The following MED1 variants were observed in gnomAD, a reference collection of about 807,000 sequenced individuals.
MED1 encodes the protein mediator of RNA polymerase II transcription subunit 1.
Under a neutral mutation model 121.3 loss-of-function variants are expected in MED1, and 17 were observed. The ratio of observed to expected loss-of-function variants is 0.14; its 90% CI spans 0.10 to 0.21. The LOEUF (loss-of-function observed/expected upper bound fraction) is 0.21, where lower values mean the gene tolerates loss of function less well. Ranked by LOEUF, MED1 falls within the 10% of genes least tolerant of loss-of-function variation. The probability of loss-of-function intolerance (pLI) is 1.00; values close to 1 mark genes in which losing one functional copy is unlikely to be tolerated. For synonymous variants in MED1, 661 were observed against 694.4 expected (o/e 0.95, Z 0.76); for missense variants, 1,558 against 1,919.4 (o/e 0.81, Z 3.52).
chr17:39,440,510 G>C lies in MED1; in HGVS notation c.275C>G (p.Ser92Cys). ...TTCAGTGCCACTGGCACTGAGATGA[G>C]AGCCCAGTCTAGCAGGAACAAATCA... ...ESIARQNGLGSHLSASGTECY... is the reference protein window; with the variant it reads ...ESIARQNGLGCHLSASGTECY... The change falls in exon 5 of 17, where the codon TCT becomes TGT. Residue 92 changes from serine to cysteine, a missense_variant. By Grantham distance (112) the Ser-to-Cys change is moderately radical. Transcript: ENST00000300651. The surrounding 1 kb of genome is among the most constrained non-coding windows in gnomAD (Gnocchi z 4.1). The C allele has an allele frequency of 6.2e-7, 1 of 1,611,032 alleles. No homozygotes were observed. The highest frequency in any genetic ancestry group is 8.5e-7 in the Non-Finnish European group (1 of 1,179,430).
At position 39,409,486 on chromosome 17, in the gene MED1, C is replaced by T. The variant is rs1283497454; in HGVS notation, c.2735G>A (p.Gly912Glu). Residue 912 changes from glycine (G) to glutamate (E), a missense_variant, in exon 17 of 17, where the codon GGA becomes GAA. By Grantham distance (98) the Gly-to-Glu change is moderately conservative. Around this residue, in one of 5 missense-constraint regions of MED1, gnomAD observed 793 missense variants for 898.2 expected, o/e 0.88. Transcript: ENST00000300651. Reference protein sequence around the residue: ...ALNTLGVPMLGGDNGETKFKG... With the variant: ...ALNTLGVPMLEGDNGETKFKG... ...AAACTTGGTCTCCCCATTATCACCT[C>T]CAAGCATTGGCACCCCCAAAGTATT... The T allele has an allele frequency of 6.2e-7, 1 of 1,614,168 alleles. No homozygotes were observed. Among genetic ancestry groups the T allele is most frequent in the Non-Finnish European group, 8.5e-7 (1 of 1,180,046 alleles).
chr17:39,436,394 G>C (rs957465865), intron 6 of MED1, among the ~76,000 whole-genome samples: 1 of 146,824 alleles, frequency 6.8e-6, no homozygotes. Flanking sequence ...AAAAGCTTTT[G>C]CACACACACA....
intron 11 of MED1, 58 bp from the exon 12 acceptor site, chr17:39,423,879 C>A (rs926081505): frequency 1.3e-6 from 2 of 1,540,044 alleles, no homozygotes; most frequent in Admixed American, 4.4e-5. Context: ...AATGAAAAAC[C>A]CAAACACCTT....
chr17:39,430,967 C>T (rs368362310), intron 9 of MED1, 148 bp downstream of exon 9: 66 of 645,584 alleles, frequency 1.0e-4, no homozygotes, highest in East Asian at 7.8e-4. Flanking sequence ...AGCAGTAAGC[C>T]GAGATCATGC....
rs113043672 is a variant in MED1, at chr17:39,439,985, A to G, written c.399+401T>C. Among the ~76,000 whole-genome samples, 1,131 of 125,630 alleles carry G rather than the reference A, an allele frequency of 9.0e-3. 4 individuals are homozygous for G. The highest frequency in any genetic ancestry group is 0.013 in the African/African-American group (415 of 31,396). 82.4% of individuals were successfully genotyped at this position (125,630 alleles called of 152,430 possible). A position where few individuals can be genotyped will look rare whatever the true frequency, so the allele number is the denominator to read the frequency against. Reference sequence around the variant, plus strand: ...AAGAAGGAAAGAAAGAAAGAAAGAAAGAAGGAAGGAAGGAAGGAAGGAAGG... The same window carrying G: ...AAGAAGGAAAGAAAGAAAGAAAGAAGGAAGGAAGGAAGGAAGGAAGGAAGG... On this transcript the variant is annotated intron_variant, in intron 5 of 16. Coordinates refer to ENST00000300651, the MANE Select transcript of MED1 (RefSeq NM_004774.4).
At chr17:39,422,127 C>CAAA (rs34447753) in intron 13 of MED1, among the ~76,000 whole-genome samples, 2 of 130,086 alleles carry the variant, frequency 1.5e-5, no homozygotes, top group East Asian at 4.7e-4. Flanking sequence ...GACTCCGTCT[C>CAAA]AAAAAAAAAA....
intron 2 of MED1, chr17:39,445,716 T>G (rs1204070129): frequency 2.0e-5 from 3 of 152,084 alleles, no homozygotes; most frequent in African/African-American, 7.2e-5. Flanking sequence ...AAGCTAGAAT[T>G]TGGTTGCCTT....
intron 6 of MED1, among the ~76,000 whole-genome samples, chr17:39,438,850 G>A (rs1327737608): frequency 6.6e-6 from 1 of 152,172 alleles, no homozygotes; most frequent in South Asian, 2.1e-4. Flanking sequence ...TCTGGAGGCT[G>A]AGGCAGGAAA....
intron 9 of MED1, 105 bp from the exon 10 acceptor site, chr17:39,427,895 C>T (rs2048529702): frequency 8.3e-6 from 6 of 721,760 alleles, no homozygotes; most frequent in Admixed American, 2.9e-5. Flanking sequence ...AGTACTTTAA[C>T]ATATATGAAG....
rs1555543564 is a variant in MED1 at position 39,433,546 on chromosome 17, T to TAC, written c.500+701_500+702dup. ...TTGTTACTATATATATATATATATA[T>TAC]ACACACATATTTTTTCTTTTTTTTT... is the stretch of plus-strand genomic sequence containing the variant. On this transcript the variant is annotated intron_variant, in intron 7 of 16. Coordinates refer to ENST00000300651, the MANE Select transcript of MED1 (RefSeq NM_004774.4). Among the ~76,000 whole-genome samples the TAC allele has an allele frequency of 5.6e-3, 841 of 150,520 alleles. 9 individuals carry two copies. Among genetic ancestry groups the TAC allele is most frequent in the African/African-American group, 0.015 (600 of 40,928 alleles).
At chr17:39,430,627 A>G (rs1344777806) in intron 9 of MED1, among the ~76,000 whole-genome samples, 2 of 150,076 alleles carry the variant, frequency 1.3e-5, no homozygotes, top group East Asian at 3.9e-4. Context: ...TGGGAGGCGG[A>G]GCTTGCAGTG....
Position 39,405,766 on chromosome 17 carries a change from G to T in MED1, c.*1709C>A. 1 of 986,902 alleles carries T rather than the reference G, an allele frequency of 1.0e-6. No homozygotes were observed. Among genetic ancestry groups the T allele is most frequent in the Non-Finnish European group, 1.2e-6 (1 of 830,876 alleles). The allele number at this position is 986,902 out of a possible 1,614,324, so 61.1% of individuals were successfully genotyped here. A position where few individuals can be genotyped will look rare whatever the true frequency, so the allele number is the denominator to read the frequency against. On this transcript the variant is annotated 3_prime_UTR_variant, in exon 17 of 17. Coordinates refer to ENST00000300651, the MANE Select transcript of MED1 (RefSeq NM_004774.4). ...TGACAATAAAAAGGAGAACACTAGA[G>T]GAAATGAGACAGGAAAGAAAGCCAA... is the stretch of plus-strand genomic sequence containing the variant.
intron 13 of MED1, among the ~76,000 whole-genome samples, chr17:39,422,469 GTTTTTTT>G (rs750032186): frequency 1.3e-5 from 1 of 74,340 alleles, no homozygotes; most frequent in Non-Finnish European, 2.4e-5. Context: ...GCCCAGCCTC[GTTTTTTT>G]TTTTTTTTTT....
At chr17:39,413,281 G>C (rs1184805367) in intron 16 of MED1, among the ~76,000 whole-genome samples, 4 of 151,962 alleles carry the variant, frequency 2.6e-5, no homozygotes, top group African/African-American at 9.7e-5. Context: ...TGTTTGTTTT[G>C]AGACAGAATC....
Position 39,423,385 on chromosome 17 carries a change from A to G in MED1, c.1037T>C (p.Phe346Ser). Residue 346 changes from phenylalanine (F) to serine (S), a missense_variant, in exon 13 of 17, where the codon TTT (phenylalanine) becomes TCT (serine). Physicochemically the swap from Phe to Ser is radical, Grantham distance 155. This residue lies in a region of MED1 where 443 missense variants were observed against 532.4 expected (regional missense o/e 0.83). Transcript: ENST00000300651. ...GGGGTCAGGGTCCTTTGATAGCTCAAACTGAGTGATCAGTTCATACAGGGG... is the reference window on the plus strand; with the variant it reads ...GGGGTCAGGGTCCTTTGATAGCTCAGACTGAGTGATCAGTTCATACAGGGG... ...YAPLYELITQ[F>S]ELSKDPDPIP... 6.2e-7 allele frequency: 1 copy of G among 1,614,062 alleles called. No homozygotes were observed. The highest frequency in any genetic ancestry group is 8.5e-7 in the Non-Finnish European group (1 of 1,179,970).
chr17:39,443,834 A>G (rs1419385591), intron 2 of MED1, among the ~76,000 whole-genome samples: 1 of 151,666 alleles, frequency 6.6e-6, no homozygotes, highest in East Asian at 1.9e-4. Context: ...TGAGTGTAGA[A>G]AAAGGTATTC....
intron 2 of MED1, among the ~76,000 whole-genome samples, chr17:39,444,815 G>A (rs1182878483): frequency 6.6e-6 from 1 of 151,980 alleles, no homozygotes; most frequent in Non-Finnish European, 1.5e-5. Context: ...GTTGCAGTGA[G>A]CCAAGACCAC....
At chr17:39,437,975 G>T (rs1371661409) in intron 6 of MED1, among the ~76,000 whole-genome samples, 5 of 151,598 alleles carry the variant, frequency 3.3e-5, no homozygotes, top group Non-Finnish European at 1.5e-5. Context: ...CAGAAAAGGG[G>T]CCAGGTGCTC....
In MED1 at chr17:39,427,746, G is replaced by C. The variant is rs529820927; in HGVS notation, c.694C>G (p.Leu232Val). ...LKYYVSPSDL[L>V]DDKTASPIIL... ...ATGGGAGATGCAGTCTTGTCATCCA[G>C]TAGGTCAGAAGGAGAGACATAGTAC... The change falls in exon 10 of 17, where the codon CTG becomes GTG. Residue 232 changes from leucine to valine, a missense_variant. Leu to Val is a conservative substitution (Grantham distance 32). Transcript: ENST00000300651. 1.1e-5 allele frequency: 17 copies of C among 1,605,264 alleles called. No individual in the cohort carries two copies. The highest frequency in any genetic ancestry group is 2.2e-5 in the East Asian group (1 of 44,796).
Sources: allele counts gnomAD v4.1 joint callset (sites outside exome capture counted in the v4.1 genomes callset), GRCh38; gene constraint gnomAD v4.1.1; regional missense constraint gnomAD v4.1.1; non-coding constraint Gnocchi (gnomAD v3.1); transcripts MANE v1.5; gene names NCBI Gene and HGNC (gene_info 2026-07-23, HGNC 2026-07-21).